ESD: variants seen among roughly 807,000 people sequenced by gnomAD.
ESD encodes the protein S-formylglutathione hydrolase.
In ESD, 34 loss-of-function variants were observed where a neutral mutation model predicts 38.1. The observed-to-expected ratio is 0.89, with a 90% CI of 0.68 to 1.19. The LOEUF is 1.19. Among genes scored for constraint, ESD ranks in the 50% most tolerant of loss-of-function variants. ESD has a pLI of 0.00. For missense variants in ESD, 334 were observed against 327.2 expected, an observed-to-expected ratio of 1.02 and a Z score of -0.16; for synonymous variants, 97 against 107.0, an observed-to-expected ratio of 0.91 and a Z score of 0.58.
chr13:46,791,571 T>C (rs1875403850), intron 2 of ESD, among the ~76,000 whole-genome samples, 151 bp from the exon 3 acceptor site: 1 of 152,102 alleles, frequency 6.6e-6, no homozygotes, highest in East Asian at 1.9e-4. Context: ...TAAATAATAT[T>C]AAGAAACTGA....
chr13:46,779,283 A>G (rs1874913397), intron 8 of ESD, among the ~76,000 whole-genome samples: 1 of 151,766 alleles, frequency 6.6e-6, no homozygotes, highest in Non-Finnish European at 1.5e-5. Flanking sequence ...CTAAATTTTG[A>G]AAACAAAGTA....
intron 4 of ESD, 82 bp downstream of exon 4, chr13:46,786,939 C>G: frequency 1.3e-6 from 1 of 797,320 alleles, no homozygotes; most frequent in East Asian, 3.0e-5. Context: ...AAAAGCCTAC[C>G]AAGTTAAAAT....
At chr13:46,795,477 C>T (rs774119994) in intron 1 of ESD, among the ~76,000 whole-genome samples, 3 of 152,208 alleles carry the variant, frequency 2.0e-5, no homozygotes, top group Non-Finnish European at 2.9e-5. Flanking sequence ...AAACGCAGTT[C>T]GCCAGCTCAC....
At chr13:46,780,588 G>C (rs1874963968) in intron 7 of ESD, among the ~76,000 whole-genome samples, 1 of 151,594 alleles carries the variant, frequency 6.6e-6, no homozygotes, top group African/African-American at 2.4e-5. Flanking sequence ...GTATCTACTA[G>C]CTTTTTTAAA....
rs980141899 is a variant in ESD at position 46,791,550 on chromosome 13, T to G, written c.-7-130A>C. The stretch of plus-strand genomic sequence containing the variant: ...TTCTACTTAGAATTTTTTTTTCACA[T>G]TTTTCTCCAGTAAATAATATTAAGA... On this transcript the variant is annotated intron_variant, in intron 2 of 9. Coordinates refer to ENST00000378720, the MANE Select transcript of ESD (RefSeq NM_001984.2). The G allele has an allele frequency of 1.7e-5, 11 of 638,450 alleles. No homozygotes were observed. In the East Asian group the frequency reaches 3.1e-4, roughly 18 times the overall value. 39.5% of individuals were successfully genotyped at this position (638,450 alleles called of 1,614,324 possible).
chr13:46,789,273 A>G (rs1406253708), intron 3 of ESD, among the ~76,000 whole-genome samples: 2 of 152,150 alleles, frequency 1.3e-5, no homozygotes, highest in Admixed American at 1.3e-4. Context: ...AGTGCATGGG[A>G]AATACACTTT....
Position 46,797,141 on chromosome 13 carries a change from G to C in ESD, c.-92C>G, listed in dbSNP as rs1372680886. The C allele has an allele frequency of 6.6e-6, 1 of 152,430 alleles. No individual in the cohort carries two copies. Among genetic ancestry groups the C allele is most frequent in the Non-Finnish European group, 1.5e-5 (1 of 68,184 alleles). 9.4% of individuals were successfully genotyped at this position (152,430 alleles called of 1,614,324 possible). A position where few individuals can be genotyped will look rare whatever the true frequency, so the allele number is the denominator to read the frequency against. The stretch of plus-strand genomic sequence containing the variant: ...GAGTGACCAGAAGAAGCGGGCCGAA[G>C]TAAAAGGCGGGGCTCAAGATGGCCG... On this transcript the variant is annotated 5_prime_UTR_variant, in exon 1 of 10. Transcript: ENST00000378720.
intron 9 of ESD, among the ~76,000 whole-genome samples, chr13:46,772,277 G>A (rs948418616): frequency 1.3e-5 from 2 of 152,106 alleles, no homozygotes; most frequent in African/African-American, 2.4e-5. Flanking sequence ...CAGTTAAGTT[G>A]AAAGAGATTT....
At chr13:46,788,506 T>C (rs907709257) in intron 3 of ESD, among the ~76,000 whole-genome samples, 27 of 152,048 alleles carry the variant, frequency 1.8e-4, no homozygotes, top group African/African-American at 6.5e-4. Flanking sequence ...GAATGGTTGG[T>C]GCCTTAAGAC....
rs1221633147 is a variant in ESD at position 46,777,592 on chromosome 13, T to C, written c.632A>G (p.Tyr211Cys). Residue 211 changes from tyrosine to cysteine, a missense_variant, in exon 9 of 10, where the codon TAT (tyrosine) becomes TGT (cysteine). Coordinates refer to ENST00000378720, the MANE Select transcript of ESD (RefSeq NM_001984.2). ...TAGTATGTCCAGCTGAGATCCTGGATAGGATTTCACAAGGTGGGTAGCATC... is the reference window on the plus strand; with the variant it reads ...TAGTATGTCCAGCTGAGATCCTGGACAGGATTTCACAAGGTGGGTAGCATC... The part of the protein sequence containing the change: ...AYDATHLVKS[Y>C]PGSQLDILID... The C allele has an allele frequency of 1.9e-6, 3 of 1,607,674 alleles. 1 individual carries two copies. The highest frequency in any genetic ancestry group is 3.3e-4 in the Middle Eastern group (2 of 6,002).
At chr13:46,782,891 C>G in intron 5 of ESD, 100 bp from the exon 6 acceptor site, 12 of 1,401,690 alleles carry the variant, frequency 8.6e-6, no homozygotes, top group Non-Finnish European at 1.2e-5. Flanking sequence ...TGCATGGGAA[C>G]TGTTCACCAA....
Position 46,781,609 on chromosome 13 carries a change from G to T in ESD, c.388C>A (p.Gln130Lys). The T allele has an allele frequency of 6.2e-7, 1 of 1,606,312 alleles. No homozygotes were observed. Among genetic ancestry groups the T allele is most frequent in the Non-Finnish European group, 8.5e-7 (1 of 1,174,958 alleles). Residue 130 changes from glutamine (Q) to lysine (K), a missense_variant, in exon 7 of 10, where the codon CAA (glutamine) becomes AAA (lysine). Coordinates refer to ENST00000378720, the MANE Select transcript of ESD (RefSeq NM_001984.2). ...MYSYVTEELPQLINANFPVDP... is the reference protein window; with the variant it reads ...MYSYVTEELPKLINANFPVDP... ...ACTGGAAAATTGGCATTTATGAGTTGGGGAAGCTAGAAAAAATTTAATAGT... is the reference window on the plus strand; with the variant it reads ...ACTGGAAAATTGGCATTTATGAGTTTGGGAAGCTAGAAAAAATTTAATAGT...
intron 7 of ESD, 47 bp downstream of exon 7, chr13:46,781,449 T>A: frequency 6.7e-7 from 1 of 1,487,984 alleles, no homozygotes; most frequent in Non-Finnish European, 9.1e-7. Context: ...CCTAATATTA[T>A]GTTATTCAAG....
chr13:46,787,182 A>ATTTGAGTT, intron 3 of ESD, 73 bp from the exon 4 acceptor site: 1 of 801,028 alleles, frequency 1.2e-6, no homozygotes, highest in Non-Finnish European at 1.9e-6. Flanking sequence ...ATAATTATGC[A>ATTTGAGTT]CTATATAAAA....
At position 46,796,930 on chromosome 13, in the gene ESD, G is replaced by C. The variant is rs145027270; in HGVS notation, c.-56+175C>G. Among the ~76,000 whole-genome samples, 469 of 152,346 alleles carry C rather than the reference G, an allele frequency of 3.1e-3. 3 individuals carry two copies. Among genetic ancestry groups the C allele is most frequent in the African/African-American group, 0.01 (433 of 41,588 alleles). ...GCGAGGCTCCGGGTCACGGGAAAAG[G>C]TCCTTGGCCTCCTGTCATGGATGGT... On this transcript the variant is annotated intron_variant, in intron 1 of 9. Transcript: ENST00000378720.
chr13:46,779,739 TAATA>T (rs1242184391), intron 8 of ESD, among the ~76,000 whole-genome samples, 192 bp downstream of exon 8: 1 of 145,846 alleles, frequency 6.9e-6, no homozygotes, highest in Non-Finnish European at 1.5e-5. Flanking sequence ...ATATATATAA[TAATA>T]TATATAAAAT....
intron 3 of ESD, among the ~76,000 whole-genome samples, chr13:46,789,084 T>C (rs1337229776): frequency 1.3e-5 from 2 of 152,176 alleles, no homozygotes; most frequent in Non-Finnish European, 2.9e-5. Context: ...AATGGCTACA[T>C]GTAATTACTG....
intron 1 of ESD, among the ~76,000 whole-genome samples, chr13:46,795,072 C>T (rs561062054): frequency 6.6e-6 from 1 of 152,334 alleles, no homozygotes; most frequent in Middle Eastern, 3.4e-3. Flanking sequence ...CACCTTCAAA[C>T]CATTCCTCTT....
chr13:46,785,246 A>G (rs1265362459), intron 4 of ESD, among the ~76,000 whole-genome samples: 5 of 152,010 alleles, frequency 3.3e-5, no homozygotes, highest in African/African-American at 1.2e-4. Context: ...TAATACTACA[A>G]TGATGTGAGA....
Sources: allele counts gnomAD v4.1 joint callset (sites outside exome capture counted in the v4.1 genomes callset), GRCh38; gene constraint gnomAD v4.1.1; transcripts MANE v1.5; gene names NCBI Gene and HGNC (gene_info 2026-07-23, HGNC 2026-07-21).